Variants in COL20A1 observed in about 807,000 individuals in gnomAD.
COL20A1 encodes the protein collagen alpha-1(XX) chain.
A neutral mutation model predicts 152.9 loss-of-function variants in COL20A1; 164 were observed. The observed-to-expected ratio is 1.07, with a 90% CI of 0.94 to 1.22. The LOEUF (loss-of-function observed/expected upper bound fraction) is 1.22, where lower values mean the gene tolerates loss of function less well. Ranked by LOEUF, COL20A1 falls within the 50% of genes most tolerant of loss-of-function variation. The pLI, the probability that COL20A1 is intolerant of heterozygous loss-of-function variation, is 0.00. For missense variants in COL20A1, 1,873 were observed against 1,744.8 expected (o/e 1.07, Z -1.31); for synonymous variants, 864 against 756.0 (o/e 1.14, Z -2.34).
At position 63,307,970 on chromosome 20, in the gene COL20A1, G is replaced by A. The variant is rs780561683; in HGVS notation, c.656-1G>A. ...CCCGTGGCCATGCCCCTGCTCCCCA[G>A]GCCTGACTCAGTACAGCGGGGATGC... is the stretch of plus-strand genomic sequence containing the variant. On this transcript the variant is annotated splice_acceptor_variant, in intron 6 of 35. Transcript: ENST00000358894. LOFTEE classifies it high-confidence loss of function. 2 of 1,612,370 alleles carry A rather than the reference G, an allele frequency of 1.2e-6. No individual in the cohort carries two copies. The highest frequency in any genetic ancestry group is 1.7e-4 in the Middle Eastern group (1 of 6,056).
chr20:63,294,968 T>C, intron 1 of COL20A1, 130 bp from the exon 2 acceptor site: 1 of 623,412 alleles, frequency 1.6e-6, no homozygotes, highest in Non-Finnish European at 2.9e-6. Context: ...TCCTCACACA[T>C]GTGAGGGGTG....
intron 30 of COL20A1, 74 bp downstream of exon 30, chr20:63,326,223 C>G (rs2068246284): frequency 8.2e-7 from 1 of 1,212,630 alleles, no homozygotes; most frequent in Non-Finnish European, 1.2e-6. Context: ...AGAGGCCAGT[C>G]TGAACACCAG....
In COL20A1 at chr20:63,308,007, G is replaced by A. The variant is rs1286394753; in HGVS notation, c.692G>A (p.Trp231Ter). 4 of 1,612,606 alleles carry A rather than the reference G, an allele frequency of 2.5e-6. No individual in the cohort carries two copies. The highest frequency in any genetic ancestry group is 2.2e-5 in the East Asian group (1 of 44,880). ...TACAGCGGGGATGCTCAGACTGAGT[G>A]GGACCTGAACTCCCTCAGCACCAAG... ...TQYSGDAQTE[W>*]DLNSLSTKEQ... The change falls in exon 7 of 36, where the codon TGG (tryptophan) becomes TAG (stop). Residue 231 changes from tryptophan (W) to a stop codon, truncating the protein, a stop_gained. Coordinates refer to ENST00000358894, the MANE Select transcript of COL20A1 (RefSeq NM_020882.4). LOFTEE classifies it high-confidence loss of function.
intron 29 of COL20A1, among the ~76,000 whole-genome samples, 167 bp downstream of exon 29, chr20:63,325,888 C>T (rs1601441281): frequency 1.3e-5 from 2 of 152,048 alleles, no homozygotes; most frequent in East Asian, 1.9e-4. Flanking sequence ...GGCCAGAAGG[C>T]TGGAGAGCTC....
intron 27 of COL20A1, 164 bp from the exon 28 acceptor site, chr20:63,325,277 C>T (rs2068226238): frequency 7.0e-6 from 5 of 714,960 alleles, no homozygotes; most frequent in East Asian, 2.7e-5. Flanking sequence ...AGGGAGAGCC[C>T]GGGCCACCCG....
chr20:63,313,604 G>T lies in COL20A1; in HGVS notation c.2210-139G>T. 1.2e-6 allele frequency: 1 copy of T among 833,836 alleles called. No homozygotes were observed. Among genetic ancestry groups the T allele is most frequent in the Non-Finnish European group, 1.8e-6 (1 of 552,498 alleles). The allele number at this position is 833,836 out of a possible 1,614,324, so 51.7% of individuals were successfully genotyped here. On this transcript the variant is annotated intron_variant, in intron 17 of 35. Coordinates refer to ENST00000358894, the MANE Select transcript of COL20A1 (RefSeq NM_020882.4). The surrounding 1 kb of genome is among the most constrained non-coding windows in gnomAD (Gnocchi z 5.9). ...TGTGGTTGTGCCAGGGGGGTGATGC[G>T]GGCTGTGGTAGGGGTGTGGCATGAT... is the stretch of plus-strand genomic sequence containing the variant.
chr20:63,305,397 C>G lies in COL20A1; in HGVS notation c.194-20C>G, dbSNP rs577446027. On this transcript the variant is annotated intron_variant, in intron 3 of 35. Transcript: ENST00000358894. This position sits in a 1 kb window ranked among gnomAD's most constrained non-coding sequence, Gnocchi z 4.9. ...CACGTGTGCACCTTGGCCTCTAAAG[C>G]TCTCCCCACCCCTACCCAGGGGACT... 6.8e-7 allele frequency: 1 copy of G among 1,475,400 alleles called. No individual in the cohort carries two copies. The highest frequency in any genetic ancestry group is 1.4e-5 in the African/African-American group (1 of 69,404). The allele number at this position is 1,475,400 out of a possible 1,614,324, so 91.4% of individuals were successfully genotyped here.
Position 63,320,214 on chromosome 20 carries a change from C to T in COL20A1, c.3075+17C>T. 6.3e-7 allele frequency: 1 copy of T among 1,598,690 alleles called. No individual in the cohort carries two copies. The highest frequency in any genetic ancestry group is 8.5e-7 in the Non-Finnish European group (1 of 1,176,006). The stretch of plus-strand genomic sequence containing the variant: ...TCGGCCGCGGTGAGTTGGGCCCTGC[C>T]CACCTGCTGGGCCACGCTGGTGGGG... On this transcript the variant is annotated intron_variant, in intron 24 of 35. Coordinates refer to ENST00000358894, the MANE Select transcript of COL20A1 (RefSeq NM_020882.4).
chr20:63,300,060 G>A (rs2067847026), intron 3 of COL20A1, among the ~76,000 whole-genome samples: 1 of 151,884 alleles, frequency 6.6e-6, no homozygotes, highest in Non-Finnish European at 1.5e-5. Flanking sequence ...GGATTACAGG[G>A]GTGAGCCACT....
rs1357415405 is a variant in COL20A1, at chr20:63,334,414, TTTTG to T, written c.*3702_*3705del. ...TTATAGCTGTAAATACAGTGCTTTG[TTTTG>T]TTTTCTTGTTTTTTGAGACAAGGTC... On this transcript the variant is annotated 3_prime_UTR_variant, in exon 36 of 36. Coordinates refer to ENST00000358894, the MANE Select transcript of COL20A1 (RefSeq NM_020882.4). 6.6e-6 allele frequency: 1 copy of T among 152,176 alleles called. No individual in the cohort carries two copies. Among genetic ancestry groups the T allele is most frequent in the Non-Finnish European group, 1.5e-5 (1 of 68,066 alleles). The allele number at this position is 152,176 out of a possible 1,614,324, so 9.4% of individuals were successfully genotyped here.
rs1031528975 is a variant in COL20A1 at position 63,317,864 on chromosome 20, C to T, written c.2663+1173C>T. On this transcript the variant is annotated intron_variant, in intron 21 of 35. Transcript: ENST00000358894. ...CCATGGCCTCAGGTGGTGTAGACGC[C>T]CCCCGCCCCCCTCTCCTCTTCCTCG... Among the ~76,000 whole-genome samples, 39 of 152,046 alleles carry T rather than the reference C, an allele frequency of 2.6e-4. 1 individual carries two copies. Among genetic ancestry groups the T allele is most frequent in the Non-Finnish European group, 2.9e-5 (2 of 68,006 alleles).
At position 63,311,393 on chromosome 20, in the gene COL20A1, G is replaced by A; in HGVS notation, c.1394-1G>A. ...TAAAGTGTCCCTGCATGGCCCCCCA[G>A]CACCTCTGCCTCCGCCCCGGGCGCT... On this transcript the variant is annotated splice_acceptor_variant, in intron 11 of 35. Coordinates refer to ENST00000358894, the MANE Select transcript of COL20A1 (RefSeq NM_020882.4). LOFTEE classifies it high-confidence loss of function. This position sits in a 1 kb window ranked among gnomAD's most constrained non-coding sequence, Gnocchi z 4.4. The A allele has an allele frequency of 6.3e-7, 1 of 1,579,896 alleles. No individual in the cohort carries two copies. The highest frequency in any genetic ancestry group is 1.8e-5 in the Admixed American group (1 of 55,608).
In COL20A1 at chr20:63,332,741, G is replaced by A. The variant is rs1413424411; in HGVS notation, c.*2025G>A. On this transcript the variant is annotated 3_prime_UTR_variant, in exon 36 of 36. Transcript: ENST00000358894. ...TCAAAAGGGGAGTCCGGCTGTCTTCGGGAAACTGACTTTATGCTGGAGGCC... is the reference window on the plus strand; with the variant it reads ...TCAAAAGGGGAGTCCGGCTGTCTTCAGGAAACTGACTTTATGCTGGAGGCC... The A allele has an allele frequency of 5.3e-5, 8 of 152,240 alleles. No homozygotes were observed. Among genetic ancestry groups the A allele is most frequent in the Admixed American group, 1.3e-4 (2 of 15,272 alleles). The allele number at this position is 152,240 out of a possible 1,614,324, so 9.4% of individuals were successfully genotyped here.
chr20:63,310,487 G>T lies in COL20A1; in HGVS notation c.1370G>T (p.Gly457Val), dbSNP rs1373153447. The change falls in exon 11 of 36, where the codon GGC (glycine) becomes GTC (valine). Residue 457 changes from glycine to valine, a missense_variant. By Grantham distance (109) the Gly-to-Val change is moderately radical. Transcript: ENST00000358894. ...FPIYEGGVGE[G>V]LRGLVTTAPL... ...ATCTATGAGGGCGGGGTTGGCGAAG[G>T]CCTGCGGGGCCTGGTGACCACAGGT... 6.2e-7 allele frequency: 1 copy of T among 1,602,176 alleles called. No individual in the cohort carries two copies. The highest frequency in any genetic ancestry group is 1.1e-5 in the South Asian group (1 of 88,884).
Position 63,309,427 on chromosome 20 carries a change from C to G in COL20A1, c.1035C>G (p.Gly345=), listed in dbSNP as rs534873902. 3 of 1,548,714 alleles carry G rather than the reference C, an allele frequency of 1.9e-6. No homozygotes were observed. Among genetic ancestry groups the G allele is most frequent in the Non-Finnish European group, 2.6e-6 (3 of 1,145,484 alleles). The change falls in exon 9 of 36, where the codon GGC becomes GGG. Residue 345 remains glycine (G), a synonymous_variant. Coordinates refer to ENST00000358894, the MANE Select transcript of COL20A1 (RefSeq NM_020882.4). ...GCGTGCTGGACTTCCTGCAGCTCGG[C>G]GCGCTGGCTGGCCTGCTCAGCCGTC... ...VHSVLDFLQL[G]ALAGLLSRLI...
intron 9 of COL20A1, 65 bp downstream of exon 9, chr20:63,309,562 G>A: frequency 7.2e-7 from 1 of 1,393,016 alleles, no homozygotes; most frequent in Non-Finnish European, 9.4e-7. Flanking sequence ...AGGGTTGGGG[G>A]GACGCTGTGG....
In COL20A1 at chr20:63,306,923, AGG is replaced by A. The variant is rs1333318568; in HGVS notation, c.497-564_497-563del. Reference sequence around the variant, plus strand: ...GGGTCCCCTGGACTTGGGCTCCCCCAGGGGAGTGTCCCCACCCATGCAGGCCT... The same window carrying A: ...GGGTCCCCTGGACTTGGGCTCCCCCAGGAGTGTCCCCACCCATGCAGGCCT... On this transcript the variant is annotated intron_variant, in intron 5 of 35. Coordinates refer to ENST00000358894, the MANE Select transcript of COL20A1 (RefSeq NM_020882.4). This position sits in a 1 kb window ranked among gnomAD's most constrained non-coding sequence, Gnocchi z 6.9. Among the ~76,000 whole-genome samples the A allele has an allele frequency of 6.6e-6, 1 of 152,086 alleles. No individual in the cohort carries two copies. The highest frequency in any genetic ancestry group is 1.9e-4 in the East Asian group (1 of 5,170).
chr20:63,323,150 C>G (rs2068191896), intron 27 of COL20A1, among the ~76,000 whole-genome samples: 1 of 152,276 alleles, frequency 6.6e-6, no homozygotes, highest in African/African-American at 2.4e-5. Flanking sequence ...CGTGAATGCC[C>G]TTTGAAAGTT....
chr20:63,307,564 G>C lies in COL20A1; in HGVS notation c.571G>C (p.Gly191Arg). The stretch of plus-strand genomic sequence containing the variant: ...CCTGGTGGACGGGTCCTGGAGCATT[G>C]GCCACAGTCACTTCCAGCAGGTCAA... ...VFLVDGSWSI[G>R]HSHFQQVKDF... The change falls in exon 6 of 36, where the codon GGC (glycine) becomes CGC (arginine). Residue 191 changes from glycine to arginine, a missense_variant. Coordinates refer to ENST00000358894, the MANE Select transcript of COL20A1 (RefSeq NM_020882.4). The C allele has an allele frequency of 6.2e-7, 1 of 1,612,660 alleles. No individual in the cohort carries two copies. Among genetic ancestry groups the C allele is most frequent in the Admixed American group, 1.7e-5 (1 of 60,006 alleles).
Sources: allele counts gnomAD v4.1 joint callset (sites outside exome capture counted in the v4.1 genomes callset), GRCh38; gene constraint gnomAD v4.1.1; non-coding constraint Gnocchi (gnomAD v3.1); transcripts MANE v1.5; gene names NCBI Gene and HGNC (gene_info 2026-07-23, HGNC 2026-07-21).